The following ZFP64 variants were observed in gnomAD, a reference collection of about 807,000 sequenced individuals.
The protein encoded by ZFP64 is ZFP64 zinc finger protein.
In ZFP64, 14 loss-of-function variants were observed where a neutral mutation model predicts 51.6. That is an observed-to-expected ratio of 0.27 (90% CI 0.18 to 0.42). ZFP64 has a LOEUF of 0.42. Ranked by LOEUF, ZFP64 falls within the 10% of genes least tolerant of loss-of-function variation. The probability of loss-of-function intolerance (pLI) is 1.00; values close to 1 mark genes in which losing one functional copy is unlikely to be tolerated. For missense variants in ZFP64, 754 were observed against 906.8 expected (o/e 0.83, Z 2.16); for synonymous variants, 375 against 361.4 (o/e 1.04, Z -0.43).
intron 5 of ZFP64, among the ~76,000 whole-genome samples, chr20:52,112,632 T>C (rs1401390673): frequency 1.3e-5 from 2 of 151,770 alleles, no homozygotes; most frequent in Non-Finnish European, 2.9e-5. Context: ...TTTTCTTTGT[T>C]GGGACAGAAT....
At chr20:52,164,827 G>A (rs1982117108) in intron 3 of ZFP64, 70 bp from the exon 4 acceptor site, 1 of 1,294,442 alleles carries the variant, frequency 7.7e-7, no homozygotes, top group East Asian at 2.3e-5. Context: ...AAAACTGGTA[G>A]AAACATCCTT....
At chr20:52,097,319 T>G in intron 7 of ZFP64, 1 of 1,578,092 alleles carries the variant, frequency 6.3e-7, no homozygotes, top group Non-Finnish European at 8.7e-7. Context: ...AGCGCTTAAT[T>G]CACATTCACG....
intron 2 of ZFP64, among the ~76,000 whole-genome samples, chr20:52,168,713 C>A (rs1247814322): frequency 6.6e-6 from 1 of 152,258 alleles, no homozygotes; most frequent in Non-Finnish European, 1.5e-5. Flanking sequence ...TCCTCCAACA[C>A]TGAAGATTTG....
intron 3 of ZFP64, 185 bp downstream of exon 3, chr20:52,165,679 A>C: frequency 1.2e-6 from 1 of 815,894 alleles, no homozygotes; most frequent in Non-Finnish European, 2.0e-6. Context: ...ACCCAGAGGC[A>C]GAATGACCAC....
intron 5 of ZFP64, among the ~76,000 whole-genome samples, chr20:52,157,040 C>T (rs533066197): frequency 2.0e-5 from 3 of 152,256 alleles, no homozygotes; most frequent in East Asian, 1.9e-4. Context: ...GCTTCTCCAG[C>T]CAGCTTTCCC....
At position 52,151,491 on chromosome 20, in the gene ZFP64, C is replaced by A; in HGVS notation, c.*655G>T. On this transcript the variant is annotated 3_prime_UTR_variant, in exon 6 of 6. Transcript: ENST00000216923. ...AGAGGCTGGGAAGTACCATTTACTA[C>A]ACAAATGTAATAAGATGGACAGAAA... The A allele has an allele frequency of 1.0e-6, 1 of 985,392 alleles. No homozygotes were observed. Among genetic ancestry groups the A allele is most frequent in the Non-Finnish European group, 1.2e-6 (1 of 830,036 alleles). The allele number at this position is 985,392 out of a possible 1,614,324, so 61.0% of individuals were successfully genotyped here. A position where few individuals can be genotyped will look rare whatever the true frequency, so the allele number is the denominator to read the frequency against.
At chr20:52,111,418 T>C (rs536314623) in intron 5 of ZFP64, among the ~76,000 whole-genome samples, 1 of 152,068 alleles carries the variant, frequency 6.6e-6, no homozygotes, top group South Asian at 2.1e-4. Context: ...TTTCTCCATG[T>C]TGGTCAGGCT....
intron 5 of ZFP64, among the ~76,000 whole-genome samples, chr20:52,120,585 T>G (rs561895039): frequency 1.7e-4 from 25 of 145,994 alleles, no homozygotes; most frequent in African/African-American, 6.7e-4. Context: ...GTGCTCACTT[T>G]GTGTTTCTGT....
At chr20:52,106,074 C>T (rs748129485) in intron 5 of ZFP64, among the ~76,000 whole-genome samples, 11 of 152,260 alleles carry the variant, frequency 7.2e-5, no homozygotes, top group South Asian at 4.2e-4. Context: ...TTATATAGCA[C>T]GCGCCCGCTC....
At chr20:52,185,548 G>A (rs1344056935) in intron 2 of ZFP64, among the ~76,000 whole-genome samples, 2 of 98,328 alleles carry the variant, frequency 2.0e-5, no homozygotes, top group East Asian at 5.3e-4. Context: ...AACCTCCCCT[G>A]TAAATCATCC....
chr20:52,139,474 G>A (rs189736498), intron 5 of ZFP64, among the ~76,000 whole-genome samples: 2 of 152,164 alleles, frequency 1.3e-5, no homozygotes, highest in East Asian at 1.9e-4. Context: ...CACAAAGATG[G>A]GAACAACAGA....
At chr20:52,163,098 C>T (rs1313830379) in intron 4 of ZFP64, among the ~76,000 whole-genome samples, 2 of 152,198 alleles carry the variant, frequency 1.3e-5, no homozygotes, top group African/African-American at 2.4e-5. Flanking sequence ...CGGTAGCCCA[C>T]GCTTGTAATC....
chr20:52,129,856 G>GC (rs904123143), intron 5 of ZFP64, among the ~76,000 whole-genome samples: 1 of 152,172 alleles, frequency 6.6e-6, no homozygotes, highest in Non-Finnish European at 1.5e-5. Flanking sequence ...ACCATGGTAT[G>GC]CCCCGGGGCA....
intron 5 of ZFP64, among the ~76,000 whole-genome samples, chr20:52,142,917 A>C (rs534591890): frequency 1.4e-5 from 2 of 141,056 alleles, no homozygotes; most frequent in Admixed American, 1.5e-4. Flanking sequence ...TATTTTAAGA[A>C]ATTACTACAG....
At chr20:52,087,971 A>ATTG (rs373964309) in intron 8 of ZFP64, among the ~76,000 whole-genome samples, 4 of 30,140 alleles carry the variant, frequency 1.3e-4, no homozygotes, top group African/African-American at 8.4e-4. Context: ...TGGTCCTATC[A>ATTG]TTTCAGTAGG....
chr20:52,110,708 G>A, intron 5 of ZFP64: 1 of 1,579,796 alleles, frequency 6.3e-7, no homozygotes, highest in Non-Finnish European at 8.6e-7. Flanking sequence ...AGCCAGCGCT[G>A]GATGGCTCCA....
chr20:52,184,784 G>A (rs982516393), intron 2 of ZFP64, among the ~76,000 whole-genome samples: 2 of 151,864 alleles, frequency 1.3e-5, no homozygotes, highest in African/African-American at 4.8e-5. Context: ...GTGCTATCAC[G>A]CCTGGCTAAT....
chr20:52,179,239 G>C (rs150924430), intron 2 of ZFP64, among the ~76,000 whole-genome samples: 1 of 152,122 alleles, frequency 6.6e-6, no homozygotes, highest in East Asian at 1.9e-4. Context: ...TGCCATGACT[G>C]TGAGACCTCC....
chr20:52,091,921 T>A (rs1219465454), intron 7 of ZFP64, among the ~76,000 whole-genome samples: 1 of 150,388 alleles, frequency 6.6e-6, no homozygotes, highest in South Asian at 2.2e-4. Context: ...ACCCAGGAGG[T>A]GGAGGTTGCG....
Sources: allele counts gnomAD v4.1 joint callset (sites outside exome capture counted in the v4.1 genomes callset), GRCh38; gene constraint gnomAD v4.1.1; transcripts MANE v1.5; gene names NCBI Gene and HGNC (gene_info 2026-07-23, HGNC 2026-07-21).